The following LLGL2 variants were observed in gnomAD, a reference collection of about 807,000 sequenced individuals.
LLGL2 encodes the protein LLGL2, scribble cell polarity complex component.
In LLGL2, 81 loss-of-function variants were observed where a neutral mutation model predicts 123.2. That is an observed-to-expected ratio of 0.66 (90% CI 0.55 to 0.79). LLGL2 has a LOEUF of 0.79. LLGL2 is among the 30% of genes least tolerant of loss of function. The pLI is 0.00. For synonymous variants in LLGL2, 577 were observed against 594.1 expected (o/e 0.97, Z 0.42); for missense variants, 1,273 against 1,414.6 (o/e 0.90, Z 1.61).
At chr17:75,570,537 A>G (rs2055655301) in intron 16 of LLGL2, 39 bp downstream of exon 16, 2 of 1,545,600 alleles carry the variant, frequency 1.3e-6, no homozygotes, top group Non-Finnish European at 1.7e-6. Flanking sequence ...CCACGCACCC[A>G]GGTTCGGCTC....
chr17:75,561,649 G>A lies in LLGL2; in HGVS notation c.531-1367G>A, dbSNP rs574749194. 4.1e-4 allele frequency among the ~76,000 whole-genome samples: 63 copies of A among 152,008 alleles called. 1 individual carries two copies. The highest frequency in any genetic ancestry group is 1.4e-3 in the African/African-American group (59 of 41,456). ...AAAGATTAAAAATTAGGCCGGGCGC[G>A]GTGGCTCACGCCTGTGATCCCAGCA... On this transcript the variant is annotated intron_variant, in intron 6 of 25. Coordinates refer to ENST00000392550, the MANE Select transcript of LLGL2 (RefSeq NM_001031803.2).
rs183829979 is a variant in LLGL2, at chr17:75,545,323, G to T, written c.75+1822G>T. 1.6e-3 allele frequency among the ~76,000 whole-genome samples: 240 copies of T among 152,304 alleles called. 1 individual carries two copies. Among genetic ancestry groups the T allele is most frequent in the Middle Eastern group, 3.4e-3 (1 of 294 alleles). The stretch of plus-strand genomic sequence containing the variant: ...CTTTCCATTCATATGCAAGAAGCAT[G>T]CATTGAGCACTTACTGGATCCACAG... On this transcript the variant is annotated intron_variant, in intron 2 of 25. Transcript: ENST00000392550.
chr17:75,531,580 C>T (rs535200382), intron 1 of LLGL2, among the ~76,000 whole-genome samples: 5 of 152,342 alleles, frequency 3.3e-5, no homozygotes, highest in East Asian at 1.9e-4. Flanking sequence ...GGGCGAGGCA[C>T]GCCAGGTCTG....
chr17:75,548,318 C>T (rs2054520236), intron 2 of LLGL2, among the ~76,000 whole-genome samples: 2 of 147,516 alleles, frequency 1.4e-5, no homozygotes, highest in African/African-American at 2.5e-5. Context: ...GCTCTTGTTG[C>T]CCGGGCTGGA....
intron 6 of LLGL2, chr17:75,562,332 G>C (rs1268187769): frequency 6.5e-6 from 1 of 153,008 alleles, no homozygotes; most frequent in Non-Finnish European, 1.5e-5. Context: ...TTCTTGTAGA[G>C]CATCCTTGCA....
In LLGL2 at chr17:75,569,098, C is replaced by T. The variant is rs374982684; in HGVS notation, c.1443C>T (p.Ala481=). 1 of 1,613,378 alleles carries T rather than the reference C, an allele frequency of 6.2e-7. No individual in the cohort carries two copies. The highest frequency in any genetic ancestry group is 8.5e-7 in the Non-Finnish European group (1 of 1,179,848). Residue 481 remains alanine, a synonymous_variant, in exon 13 of 26, where the codon GCC becomes GCT. Coordinates refer to ENST00000392550, the MANE Select transcript of LLGL2 (RefSeq NM_001031803.2). Reference sequence around the variant, plus strand: ...CGGACCCCAACGAGAACTTCAGTGCCCAGGGCGAGGACGAGTGGCCCCCAC... The same window carrying T: ...CGGACCCCAACGAGAACTTCAGTGCTCAGGGCGAGGACGAGTGGCCCCCAC... ...TDTDPNENFS[A]QGEDEWPPLR... is the part of the protein sequence containing the mutation.
At chr17:75,563,495 C>T (rs1375100075) in intron 8 of LLGL2, 32 bp downstream of exon 8, 6 of 1,608,424 alleles carry the variant, frequency 3.7e-6, no homozygotes, top group Admixed American at 3.3e-5. Context: ...CAGGGCCCAC[C>T]CCCAGTGCCT....
Position 75,544,899 on chromosome 17 carries a change from T to C in LLGL2, c.75+1398T>C, listed in dbSNP as rs2054357429. Among the ~76,000 whole-genome samples the C allele has an allele frequency of 2.0e-5, 3 of 152,230 alleles. No individual in the cohort carries two copies. In the South Asian group the frequency reaches 6.2e-4, roughly 32 times the overall value. On this transcript the variant is annotated intron_variant, in intron 2 of 25. Coordinates refer to ENST00000392550, the MANE Select transcript of LLGL2 (RefSeq NM_001031803.2). This position sits in a 1 kb window ranked among gnomAD's most constrained non-coding sequence, Gnocchi z 4.2. ...GCCAGCTCGCTTTTGGGCCTTGGGA[T>C]ATGGGGGTGCAGGTGTTGGGAATGG...
chr17:75,547,800 G>A (rs1032805588), intron 2 of LLGL2, among the ~76,000 whole-genome samples: 8 of 149,992 alleles, frequency 5.3e-5, no homozygotes, highest in African/African-American at 2.0e-4. Flanking sequence ...ACTCTAGCCT[G>A]GGTGACAGAG....
chr17:75,543,629 C>A, intron 2 of LLGL2, 128 bp downstream of exon 2: 1 of 605,788 alleles, frequency 1.7e-6, no homozygotes, highest in Non-Finnish European at 2.7e-6. Context: ...CCTCTTGGGA[C>A]TCAGACTTTG....
At chr17:75,554,954 G>A (rs2054839435) in intron 2 of LLGL2, among the ~76,000 whole-genome samples, 1 of 150,988 alleles carries the variant, frequency 6.6e-6, no homozygotes, top group Non-Finnish European at 1.5e-5. Context: ...CACTTTGGGA[G>A]GCTGAGGTGG....
Position 75,563,677 on chromosome 17 carries a change from G to A in LLGL2, c.827-75G>A, listed in dbSNP as rs909623370. 8.4e-6 allele frequency: 13 copies of A among 1,555,372 alleles called. No homozygotes were observed. The African/African-American group carries it at 1.6e-4, about 19-fold the overall frequency. On this transcript the variant is annotated intron_variant, in intron 8 of 25. Transcript: ENST00000392550. ...CCATGTGGATGTGGCATGAGCTAGAGGGATCTGTGCCTGTGGGGACTGACA... is the reference window on the plus strand; with the variant it reads ...CCATGTGGATGTGGCATGAGCTAGAAGGATCTGTGCCTGTGGGGACTGACA...
At chr17:75,573,656 T>TTCCCCCCCCCCCCCCCCC in intron 21 of LLGL2, 25 bp downstream of exon 21, 2 of 1,429,152 alleles carry the variant, frequency 1.4e-6, no homozygotes, top group Non-Finnish European at 9.3e-7. Context: ...CAGAGGCCTC[T>TTCCCCCCCCCCCCCCCCC]CCCGCCCCTC....
chr17:75,574,475 C>T lies in LLGL2; in HGVS notation c.2976C>T (p.Ser992=). The change falls in exon 24 of 26, where the codon AGC becomes AGT. Residue 992 remains serine (S), a synonymous_variant. Transcript: ENST00000392550. The part of the protein sequence containing the change: ...SDERVLKEIQ[S]TLEGDRGSGN... ...CAGGAGTCCTGAAGGAAATCCAGAGCACACTGGAGGGAGACCGCGGGTGAG... is the reference window on the plus strand; with the variant it reads ...CAGGAGTCCTGAAGGAAATCCAGAGTACACTGGAGGGAGACCGCGGGTGAG... 6.4e-7 allele frequency: 1 copy of T among 1,553,980 alleles called. No homozygotes were observed. The highest frequency in any genetic ancestry group is 8.7e-7 in the Non-Finnish European group (1 of 1,150,048).
At chr17:75,545,770 A>C (rs544532580) in intron 2 of LLGL2, among the ~76,000 whole-genome samples, 69 of 152,224 alleles carry the variant, frequency 4.5e-4, no homozygotes, top group African/African-American at 1.4e-3. Context: ...AGCAGTTAGG[A>C]GACATTGCCC....
chr17:75,550,780 C>CAAAA (rs57482643), intron 2 of LLGL2, among the ~76,000 whole-genome samples: 5 of 94,676 alleles, frequency 5.3e-5, no homozygotes, highest in African/African-American at 1.4e-4. Context: ...GACCCTGTCT[C>CAAAA]AAAAAAAAAA....
chr17:75,565,942 G>A (rs988813867), intron 10 of LLGL2, among the ~76,000 whole-genome samples: 21 of 152,226 alleles, frequency 1.4e-4, no homozygotes, highest in Non-Finnish European at 5.9e-5. Context: ...TTAGATCTGA[G>A]TATGTGGACA....
At chr17:75,525,405 G>T (rs141067600), upstream of LLGL2, among the ~76,000 whole-genome samples, 2,591 of 152,130 alleles carry the variant, frequency 0.017, 147 homozygotes, top group East Asian at 0.12. The surrounding 1 kb of genome is among the most constrained non-coding windows in gnomAD (Gnocchi z 4.8). Context: ...GACCGCAGGC[G>T]TTCCGGGAAC....
intron 2 of LLGL2, among the ~76,000 whole-genome samples, chr17:75,548,890 C>T (rs2054547134): frequency 6.6e-6 from 1 of 152,094 alleles, no homozygotes; most frequent in Non-Finnish European, 1.5e-5. Context: ...TTGCTTCAAA[C>T]GGTGCCTGAC....
Sources: allele counts gnomAD v4.1 joint callset (sites outside exome capture counted in the v4.1 genomes callset), GRCh38; gene constraint gnomAD v4.1.1; non-coding constraint Gnocchi (gnomAD v3.1); transcripts MANE v1.5; gene names NCBI Gene and HGNC (gene_info 2026-07-23, HGNC 2026-07-21).